Variants in DIRAS1 observed in about 807,000 individuals in gnomAD.
DIRAS1 encodes GTP-binding protein Di-Ras1.
DIRAS1 carries 3 observed loss-of-function variants against 11.5 expected under a neutral mutation model. That is an observed-to-expected ratio of 0.26 (90% CI 0.12 to 0.67). The LOEUF is 0.67. Among genes scored for constraint, DIRAS1 ranks in the 30% least tolerant of loss-of-function variants. The probability of loss-of-function intolerance (pLI) is 0.80; values close to 1 mark genes in which losing one functional copy is unlikely to be tolerated. For missense variants in DIRAS1, 212 were observed against 285.3 expected (o/e 0.74, Z 1.85); for synonymous variants, 128 against 125.8 (o/e 1.02, Z -0.12).
At chr19:2,720,283 T>C (rs7256720) in intron 1 of DIRAS1, among the ~76,000 whole-genome samples, 74,874 of 151,974 alleles carry the variant, frequency 0.49, 19,947 homozygotes, top group South Asian at 0.63. Context: ...AGATCCAGCC[T>C]TTGCCTTGCT....
chr19:2,716,990 C>G lies in DIRAS1; in HGVS notation c.*220G>C. ...GGCTCTTGGTTTTGGAGGGTACAGA[C>G]AGAACAGGAGGGTGGAGAGAGAGCA... On this transcript the variant is annotated 3_prime_UTR_variant, in exon 2 of 2. Transcript: ENST00000323469. 1.8e-6 allele frequency: 1 copy of G among 567,958 alleles called. No individual in the cohort carries two copies. The highest frequency in any genetic ancestry group is 1.9e-5 in the African/African-American group (1 of 52,674). The allele number at this position is 567,958 out of a possible 1,614,324, so 35.2% of individuals were successfully genotyped here.
chr19:2,717,261 G>GCTCC lies in DIRAS1; in HGVS notation c.545_546insGGAG (p.Gly183GlufsTer154). The GCTCC allele has an allele frequency of 6.2e-7, 1 of 1,610,470 alleles. No homozygotes were observed. Among genetic ancestry groups the GCTCC allele is most frequent in the Non-Finnish European group, 8.5e-7 (1 of 1,178,610 alleles). On this transcript the variant is annotated frameshift_variant, in exon 2 of 2. Coordinates refer to ENST00000323469, the MANE Select transcript of DIRAS1 (RefSeq NM_145173.4). LOFTEE classifies it high-confidence loss of function. ...CGCGGTCTGTCCTCTTCTGCTTCCC[G>GCTCC]GAGCGCTTGCCGTCGATGTTGAGGC...
At position 2,715,929 on chromosome 19, in the gene DIRAS1, T is replaced by C. The variant is rs1913777397; in HGVS notation, c.*1281A>G. ...TCTTGCTGACAACCACACACAGGTATCTACAACTACCCACCTCTCTGTATA... is the reference window on the plus strand; with the variant it reads ...TCTTGCTGACAACCACACACAGGTACCTACAACTACCCACCTCTCTGTATA... On this transcript the variant is annotated 3_prime_UTR_variant, in exon 2 of 2. Coordinates refer to ENST00000323469, the MANE Select transcript of DIRAS1 (RefSeq NM_145173.4). 6.6e-6 allele frequency: 1 copy of C among 152,244 alleles called. No homozygotes were observed. Among genetic ancestry groups the C allele is most frequent in the Admixed American group, 6.5e-5 (1 of 15,280 alleles). 9.4% of individuals were successfully genotyped at this position (152,244 alleles called of 1,614,324 possible).
At position 2,717,661 on chromosome 19, in the gene DIRAS1, C is replaced by A; in HGVS notation, c.146G>T (p.Ser49Ile). 6.2e-7 allele frequency: 1 copy of A among 1,612,970 alleles called. No individual in the cohort carries two copies. Among genetic ancestry groups the A allele is most frequent in the Non-Finnish European group, 8.5e-7 (1 of 1,180,018 alleles). Residue 49 changes from serine to isoleucine, a missense_variant, in exon 2 of 2, where the codon AGC becomes ATC. Ser to Ile is a moderately radical substitution (Grantham distance 142). This residue lies in a region of DIRAS1 where 128 missense variants were observed against 205.3 expected (regional missense o/e 0.62). Transcript: ENST00000323469. ...CAGCGTGCACACGCTCTTGTCGCAGCTGATCACCTGCCGGTAGGTGTCCTC... is the reference window on the plus strand; with the variant it reads ...CAGCGTGCACACGCTCTTGTCGCAGATGATCACCTGCCGGTAGGTGTCCTC... ...TIEDTYRQVI[S>I]CDKSVCTLQI...
chr19:2,720,400 A>G (rs1244925040), intron 1 of DIRAS1, among the ~76,000 whole-genome samples: 1 of 152,178 alleles, frequency 6.6e-6, no homozygotes, highest in African/African-American at 2.4e-5. Context: ...AGCCCACGCC[A>G]CTTCCCACCT....
In DIRAS1 at chr19:2,716,951, A is replaced by C; in HGVS notation, c.*259T>G. 1 of 454,496 alleles carries C rather than the reference A, an allele frequency of 2.2e-6. No homozygotes were observed. The highest frequency in any genetic ancestry group is 3.9e-6 in the Non-Finnish European group (1 of 257,220). 28.2% of individuals were successfully genotyped at this position (454,496 alleles called of 1,614,324 possible). A position where few individuals can be genotyped will look rare whatever the true frequency, so the allele number is the denominator to read the frequency against. On this transcript the variant is annotated 3_prime_UTR_variant, in exon 2 of 2. Coordinates refer to ENST00000323469, the MANE Select transcript of DIRAS1 (RefSeq NM_145173.4). ...ATCCTGTTTTCCCATCTGCAGGACA[A>C]GGGGGCCACCTCCGGCTCTTGGTTT...
chr19:2,716,989 A>G lies in DIRAS1; in HGVS notation c.*221T>C. The G allele has an allele frequency of 1.8e-6, 1 of 566,336 alleles. No individual in the cohort carries two copies. Among genetic ancestry groups the G allele is most frequent in the Non-Finnish European group, 3.1e-6 (1 of 321,146 alleles). 35.1% of individuals were successfully genotyped at this position (566,336 alleles called of 1,614,324 possible). A position where few individuals can be genotyped will look rare whatever the true frequency, so the allele number is the denominator to read the frequency against. Reference sequence around the variant, plus strand: ...CGGCTCTTGGTTTTGGAGGGTACAGACAGAACAGGAGGGTGGAGAGAGAGC... The same window carrying G: ...CGGCTCTTGGTTTTGGAGGGTACAGGCAGAACAGGAGGGTGGAGAGAGAGC... On this transcript the variant is annotated 3_prime_UTR_variant, in exon 2 of 2. Coordinates refer to ENST00000323469, the MANE Select transcript of DIRAS1 (RefSeq NM_145173.4).
chr19:2,717,992 C>T (rs1221970839), intron 1 of DIRAS1, 117 bp from the exon 2 acceptor site: 9 of 644,416 alleles, frequency 1.4e-5, no homozygotes, highest in Admixed American at 3.0e-5. Flanking sequence ...GCCGTGCCTC[C>T]TGCCTCCTGA....
In DIRAS1 at chr19:2,718,380, C is replaced by T. The variant is rs1211991829; in HGVS notation, c.-69-505G>A. Among the ~76,000 whole-genome samples, 5 of 152,330 alleles carry T rather than the reference C, an allele frequency of 3.3e-5. No homozygotes were observed. The highest frequency in any genetic ancestry group is 7.2e-5 in the African/African-American group (3 of 41,582). On this transcript the variant is annotated intron_variant, in intron 1 of 1. Coordinates refer to ENST00000323469, the MANE Select transcript of DIRAS1 (RefSeq NM_145173.4). This position sits in a 1 kb window ranked among gnomAD's most constrained non-coding sequence, Gnocchi z 4.2. ...AACAACCATGGGTCCCCTGCTCTTC[C>T]GCCAACCCAGAGATGGCCAATCCTC...
In DIRAS1 at chr19:2,718,714, AG is replaced by A. The variant is rs761744894; in HGVS notation, c.-69-840del. On this transcript the variant is annotated intron_variant, in intron 1 of 1. Coordinates refer to ENST00000323469, the MANE Select transcript of DIRAS1 (RefSeq NM_145173.4). The surrounding 1 kb of genome is among the most constrained non-coding windows in gnomAD (Gnocchi z 4.2). ...CTAATTTTATATTTTTAGTAGAGGC[AG>A]GGTTTCTCCATGTTGGTCAGGCAGG... 1.3e-5 allele frequency among the ~76,000 whole-genome samples: 2 copies of A among 151,640 alleles called. No homozygotes were observed. Among genetic ancestry groups the A allele is most frequent in the African/African-American group, 2.4e-5 (1 of 41,198 alleles).
rs919982320 is a variant in DIRAS1, at chr19:2,718,974, C to T, written c.-69-1099G>A. ...TAGCTGGGATTACAGGCATGCACCA[C>T]CACACCCGGCTAATTTTTGTATTTT... is the stretch of plus-strand genomic sequence containing the variant. On this transcript the variant is annotated intron_variant, in intron 1 of 1. Coordinates refer to ENST00000323469, the MANE Select transcript of DIRAS1 (RefSeq NM_145173.4). This position sits in a 1 kb window ranked among gnomAD's most constrained non-coding sequence, Gnocchi z 4.2. 6.6e-6 allele frequency among the ~76,000 whole-genome samples: 1 copy of T among 152,008 alleles called. No individual in the cohort carries two copies. Among genetic ancestry groups the T allele is most frequent in the African/African-American group, 2.4e-5 (1 of 41,364 alleles).
rs374372601 is a variant in DIRAS1 at position 2,717,717 on chromosome 19, G to T, written c.90C>A (p.Gly30=). The change falls in exon 2 of 2, where the codon GGC becomes GGA. Residue 30 remains glycine, a synonymous_variant. Coordinates refer to ENST00000323469, the MANE Select transcript of DIRAS1 (RefSeq NM_145173.4). ...KSSLVLRFVK[G]TFRDTYIPTI... ...TGGGGATGTAGGTGTCGCGGAACGT[G>T]CCCTTCACGAAGCGCAGCACCAGCG... 35 of 1,608,626 alleles carry T rather than the reference G, an allele frequency of 2.2e-5. No individual in the cohort carries two copies. The highest frequency in any genetic ancestry group is 2.8e-5 in the Non-Finnish European group (33 of 1,179,980).
At chr19:2,719,698 G>A (rs1207319772) in intron 1 of DIRAS1, among the ~76,000 whole-genome samples, 2 of 152,002 alleles carry the variant, frequency 1.3e-5, no homozygotes, top group African/African-American at 4.8e-5. Flanking sequence ...GGAGGGTCCA[G>A]AGGTTCCCCG....
rs199922873 is a variant in DIRAS1 at position 2,717,067 on chromosome 19, G to GGCGGT, written c.*142_*143insACCGC. ...CCTCGGGGTGGGCAGGGGCAGCGGA[G>GGCGGT]GGGGGGGCGGTGGCCTCGGTTTCCC... On this transcript the variant is annotated 3_prime_UTR_variant, in exon 2 of 2. Coordinates refer to ENST00000323469, the MANE Select transcript of DIRAS1 (RefSeq NM_145173.4). 5 of 809,334 alleles carry GGCGGT rather than the reference G, an allele frequency of 6.2e-6. No homozygotes were observed. Among genetic ancestry groups the GGCGGT allele is most frequent in the Non-Finnish European group, 7.4e-6 (4 of 540,018 alleles). The allele number at this position is 809,334 out of a possible 1,614,324, so 50.1% of individuals were successfully genotyped here.
chr19:2,719,593 G>C (rs924899561), intron 1 of DIRAS1, among the ~76,000 whole-genome samples: 1 of 151,786 alleles, frequency 6.6e-6, no homozygotes, highest in African/African-American at 2.4e-5. Flanking sequence ...GGTGGGGGGT[G>C]GGGGAGGGGT....
Position 2,718,258 on chromosome 19 carries a change from C to T in DIRAS1, c.-69-383G>A, listed in dbSNP as rs1199077639. Among the ~76,000 whole-genome samples, 1 of 151,692 alleles carries T rather than the reference C, an allele frequency of 6.6e-6. No homozygotes were observed. The stretch of plus-strand genomic sequence containing the variant: ...GGCCCCTGGAAGCTAGCAGGCCTGG[C>T]TTCCACCTCTCGCTCCACACCTGCC... On this transcript the variant is annotated intron_variant, in intron 1 of 1. Transcript: ENST00000323469. This position sits in a 1 kb window ranked among gnomAD's most constrained non-coding sequence, Gnocchi z 4.2.
chr19:2,717,200 C>A lies in DIRAS1; in HGVS notation c.*10G>T. 1 of 1,563,296 alleles carries A rather than the reference C, an allele frequency of 6.4e-7. No individual in the cohort carries two copies. The highest frequency in any genetic ancestry group is 8.7e-7 in the Non-Finnish European group (1 of 1,151,950). ...TGGGGGTGGGCGGCGGGCAGGCGGG[C>A]GTTCCGGGCTCACATGAGGGTGCAT... On this transcript the variant is annotated 3_prime_UTR_variant, in exon 2 of 2. Transcript: ENST00000323469.
intron 1 of DIRAS1, among the ~76,000 whole-genome samples, chr19:2,720,243 G>T (rs1388084787): frequency 1.3e-5 from 2 of 152,188 alleles, no homozygotes; most frequent in Admixed American, 6.5e-5. Context: ...ACCGGCCTGG[G>T]GTCCTAATGG....
intron 1 of DIRAS1, chr19:2,719,179 G>A (rs1913896332): frequency 6.6e-6 from 1 of 152,180 alleles, no homozygotes; most frequent in Non-Finnish European, 1.5e-5. Flanking sequence ...CTGAGGCTGG[G>A]AATCTGAGAA....
Sources: gnomAD v4.1 joint callset for allele counts (sites outside exome capture counted in the v4.1 genomes callset) on GRCh38, gnomAD v4.1.1 for gene constraint, gnomAD v4.1.1 regional missense constraint, Gnocchi (gnomAD v3.1) non-coding constraint, MANE v1.5 for transcripts, NCBI Gene and HGNC (gene_info 2026-07-23, HGNC 2026-07-21) for gene names.